The following GPR158 variants were observed in gnomAD, a reference collection of about 807,000 sequenced individuals.
GPR158 encodes G protein-coupled receptor 158, also known as metabotropic glycine receptor.
Under a neutral mutation model 78.2 loss-of-function variants are expected in GPR158, and 30 were observed. The observed-to-expected ratio is 0.38, with a 90% CI of 0.29 to 0.52. The LOEUF (loss-of-function observed/expected upper bound fraction) is 0.52, where lower values mean the gene tolerates loss of function less well. Among genes scored for constraint, GPR158 ranks in the 20% least tolerant of loss-of-function variants. The pLI is 0.83. For missense variants in GPR158, 1,463 were observed against 1,523.5 expected (o/e 0.96, Z 0.66); for synonymous variants, 581 against 591.1 (o/e 0.98, Z 0.25).
intron 2 of GPR158, among the ~76,000 whole-genome samples, chr10:25,241,341 C>CTCTTTTCTCTTT (rs1224801268): frequency 8.3e-5 from 9 of 108,954 alleles, no homozygotes; most frequent in South Asian, 2.9e-4. Context: ...CTTCTCTTTT[C>CTCTTTTCTCTTT]TCTTTTCTCT....
chr10:25,401,412 A>G (rs1173670470), intron 3 of GPR158, among the ~76,000 whole-genome samples: 3 of 152,066 alleles, frequency 2.0e-5, no homozygotes, highest in African/African-American at 7.2e-5. Context: ...CAATTTTCAT[A>G]TATTTTTCAT....
chr10:25,320,546 C>T (rs188502106), intron 2 of GPR158, among the ~76,000 whole-genome samples: 19 of 152,240 alleles, frequency 1.2e-4, no homozygotes, highest in South Asian at 2.1e-4. Context: ...ATTGCAGTGC[C>T]TAATACAGAG....
At chr10:25,300,704 A>G (rs1274029493) in intron 2 of GPR158, among the ~76,000 whole-genome samples, 1 of 152,052 alleles carries the variant, frequency 6.6e-6, no homozygotes, top group African/African-American at 2.4e-5. Context: ...TAATGTTTAG[A>G]TGCAAATTTA....
rs183614304 is a variant in GPR158, at chr10:25,467,088, C to T, written c.1404+369C>T. ...TACATTTTAGGGAGGCATGAGACTTCAATCAGATTCGAGCAATACGTTGGT... is the reference window on the plus strand; with the variant it reads ...TACATTTTAGGGAGGCATGAGACTTTAATCAGATTCGAGCAATACGTTGGT... On this transcript the variant is annotated intron_variant, in intron 5 of 10. Transcript: ENST00000376351. Among the ~76,000 whole-genome samples the T allele has an allele frequency of 3.4e-4, 52 of 152,184 alleles. No homozygotes were observed. In the East Asian group the frequency reaches 3.7e-3, roughly 11 times the overall value.
At chr10:25,551,473 C>T (rs1002195714) in intron 6 of GPR158, among the ~76,000 whole-genome samples, 5 of 152,132 alleles carry the variant, frequency 3.3e-5, no homozygotes, top group African/African-American at 1.2e-4. Flanking sequence ...ACAAAAACTA[C>T]CATCCGCCAT....
intron 5 of GPR158, among the ~76,000 whole-genome samples, chr10:25,521,027 C>T (rs536980724): frequency 0.017 from 2,611 of 152,266 alleles, 65 homozygotes; most frequent in African/African-American, 0.06. Context: ...ACTCTGTGGG[C>T]GTAGGACCCT....
intron 2 of GPR158, among the ~76,000 whole-genome samples, chr10:25,271,909 G>A (rs2130743756): frequency 6.6e-6 from 1 of 152,134 alleles, no homozygotes; most frequent in Non-Finnish European, 1.5e-5. Flanking sequence ...AAAAGTGCTG[G>A]GATTACAGGC....
chr10:25,206,536 A>G (rs934744755), intron 1 of GPR158, among the ~76,000 whole-genome samples: 114 of 152,294 alleles, frequency 7.5e-4, no homozygotes, highest in African/African-American at 2.7e-3. Flanking sequence ...CTAATCACCC[A>G]CAATCTTAAT....
At chr10:25,438,037 T>C (rs1256006269) in intron 4 of GPR158, among the ~76,000 whole-genome samples, 1 of 152,166 alleles carries the variant, frequency 6.6e-6, no homozygotes, top group Non-Finnish European at 1.5e-5. Flanking sequence ...GCTATTCACT[T>C]TGGACAGCAG....
chr10:25,262,028 G>T (rs1460071573), intron 2 of GPR158, among the ~76,000 whole-genome samples: 3 of 152,026 alleles, frequency 2.0e-5, no homozygotes, highest in Non-Finnish European at 4.4e-5. Context: ...CTTATCTCTT[G>T]CAAGTAAAAC....
rs756759445 is a variant in GPR158 at position 25,317,716 on chromosome 10, G to GTTTTTTTTT, written c.1009-78194_1009-78186dup. ...TTAAATTCTGTTTTCTTCGTAAAGT[G>GTTTTTTTTT]TTTTTTTTTGTTTTGTTTTGTTTTG... On this transcript the variant is annotated intron_variant, in intron 2 of 10. Transcript: ENST00000376351. Among the ~76,000 whole-genome samples the GTTTTTTTTT allele has an allele frequency of 4.7e-3, 633 of 133,840 alleles. 29 individuals carry two copies. Among genetic ancestry groups the GTTTTTTTTT allele is most frequent in the African/African-American group, 0.011 (345 of 31,124 alleles). 87.8% of individuals were successfully genotyped at this position (133,840 alleles called of 152,430 possible).
chr10:25,380,974 C>A (rs1044298852), intron 2 of GPR158, among the ~76,000 whole-genome samples: 5 of 152,254 alleles, frequency 3.3e-5, no homozygotes, highest in Admixed American at 1.3e-4. Context: ...ATAACCTTAA[C>A]ATTTGCACAA....
intron 2 of GPR158, among the ~76,000 whole-genome samples, chr10:25,293,539 T>A (rs1004643857): frequency 1.3e-5 from 2 of 152,162 alleles, no homozygotes; most frequent in African/African-American, 4.8e-5. Context: ...TGGAGGCAAA[T>A]TGGCAAAAAT....
At position 25,557,849 on chromosome 10, in the gene GPR158, TC is replaced by T. The variant is rs200770257; in HGVS notation, c.1514+6766del. Reference sequence around the variant, plus strand: ...AATAAAAGCAAAATCATTTTAATGGTCCTTCCTTTCAGAACACATTAACTAT... The same window carrying T: ...AATAAAAGCAAAATCATTTTAATGGTCTTCCTTTCAGAACACATTAACTAT... On this transcript the variant is annotated intron_variant, in intron 6 of 10. Coordinates refer to ENST00000376351, the MANE Select transcript of GPR158 (RefSeq NM_020752.3). Among the ~76,000 whole-genome samples, 646 of 152,332 alleles carry T rather than the reference TC, an allele frequency of 4.2e-3. 9 individuals are homozygous for T. The highest frequency in any genetic ancestry group is 0.015 in the African/African-American group (618 of 41,570).
chr10:25,247,519 T>C (rs868816395), intron 2 of GPR158, among the ~76,000 whole-genome samples: 6 of 114,648 alleles, frequency 5.2e-5, no homozygotes, highest in Admixed American at 2.2e-4. Flanking sequence ...CCTGTGTCCA[T>C]GTGATCTCAT....
chr10:25,469,007 G>C (rs1174774351), intron 5 of GPR158, among the ~76,000 whole-genome samples: 4 of 152,144 alleles, frequency 2.6e-5, no homozygotes, highest in African/African-American at 2.4e-5. Context: ...AAGGTGAGTA[G>C]GTGTAAGAGA....
chr10:25,369,876 T>A (rs1220602808), intron 2 of GPR158, among the ~76,000 whole-genome samples: 1 of 152,114 alleles, frequency 6.6e-6, no homozygotes, highest in Non-Finnish European at 1.5e-5. Flanking sequence ...GGATTCAACT[T>A]CTTCCTGGTT....
intron 2 of GPR158, among the ~76,000 whole-genome samples, chr10:25,294,640 A>G (rs537418042): frequency 2.0e-5 from 3 of 152,246 alleles, no homozygotes; most frequent in South Asian, 4.1e-4. Flanking sequence ...AAAAATGGCA[A>G]CCTCTATGAT....
intron 2 of GPR158, among the ~76,000 whole-genome samples, chr10:25,262,119 C>T (rs80190051): frequency 0.019 from 2,894 of 152,168 alleles, 76 homozygotes; most frequent in South Asian, 0.057. Flanking sequence ...AGCAAATGAT[C>T]TGCTTAACAC....
Sources: gnomAD v4.1 joint callset for allele counts (sites outside exome capture counted in the v4.1 genomes callset) on GRCh38, gnomAD v4.1.1 for gene constraint, MANE v1.5 for transcripts, NCBI Gene and HGNC (gene_info 2026-07-23, HGNC 2026-07-21) for gene names.